The following NCKAP5 variants were observed in gnomAD, a reference collection of about 807,000 sequenced individuals.
The protein encoded by NCKAP5 is nck-associated protein 5.
A neutral mutation model predicts 167.0 loss-of-function variants in NCKAP5; 92 were observed. The ratio of observed to expected loss-of-function variants is 0.55; its 90% CI spans 0.47 to 0.66. The LOEUF (loss-of-function observed/expected upper bound fraction) is 0.66, where lower values mean the gene tolerates loss of function less well. Among genes scored for constraint, NCKAP5 ranks in the 30% least tolerant of loss-of-function variants. The probability of loss-of-function intolerance (pLI) is 0.00; values close to 1 mark genes in which losing one functional copy is unlikely to be tolerated. For missense variants in NCKAP5, 2,378 were observed against 2,315.0 expected, an observed-to-expected ratio of 1.03 and a Z score of -0.56; for synonymous variants, 891 against 877.4, an observed-to-expected ratio of 1.02 and a Z score of -0.27.
At chr2:133,359,175 GAT>G (rs1684930716) in intron 3 of NCKAP5, among the ~76,000 whole-genome samples, 1 of 152,182 alleles carries the variant, frequency 6.6e-6, no homozygotes, top group Admixed American at 6.5e-5. Context: ...GGTATTATCA[GAT>G]ATTGCGGCTC....
intron 11 of NCKAP5, among the ~76,000 whole-genome samples, chr2:132,852,773 G>T (rs929025229): frequency 6.6e-5 from 10 of 152,102 alleles, no homozygotes; most frequent in African/African-American, 7.2e-5. Flanking sequence ...CAAAGTCAAG[G>T]TTAGCTGTGA....
intron 6 of NCKAP5, among the ~76,000 whole-genome samples, chr2:133,017,477 A>T (rs909014954): frequency 2.0e-5 from 3 of 152,228 alleles, no homozygotes; most frequent in African/African-American, 7.2e-5. Context: ...TCAAAACTTC[A>T]AAATGTGAAA....
rs1026544381 is a variant in NCKAP5, at chr2:132,909,074, C to T, written c.580-30158G>A. On this transcript the variant is annotated intron_variant, in intron 8 of 19. Transcript: ENST00000409261. ...TAAAAAAGAAAATACTGGCCAGGTG[C>T]GGTGGCTCATGCCTGTAATCCCAGC... 1.1e-4 allele frequency among the ~76,000 whole-genome samples: 17 copies of T among 152,266 alleles called. No homozygotes were observed. The East Asian group carries it at 1.9e-3, about 17-fold the overall frequency.
At chr2:133,556,963 T>C (rs2104993550) in intron 2 of NCKAP5, 1 of 152,302 alleles carries the variant, frequency 6.6e-6, no homozygotes, top group East Asian at 1.9e-4. Flanking sequence ...ATTTGGACAA[T>C]GAGACAATGA....
chr2:133,286,250 C>A (rs1197133716), intron 4 of NCKAP5, among the ~76,000 whole-genome samples: 1 of 152,112 alleles, frequency 6.6e-6, no homozygotes, highest in Admixed American at 6.5e-5. Context: ...CCTGCCTCGG[C>A]CTCCCAAAGT....
At chr2:133,093,665 C>T (rs766149167) in intron 6 of NCKAP5, among the ~76,000 whole-genome samples, 2 of 152,184 alleles carry the variant, frequency 1.3e-5, no homozygotes, top group Non-Finnish European at 2.9e-5. Flanking sequence ...AATATCTCTG[C>T]AGTGGTGGCT....
intron 9 of NCKAP5, among the ~76,000 whole-genome samples, chr2:132,875,296 G>T (rs1691180166): frequency 1.3e-5 from 2 of 152,132 alleles, no homozygotes; most frequent in Non-Finnish European, 1.5e-5. Context: ...CTGGATCTGA[G>T]ACCTCACCTG....
In NCKAP5 at chr2:133,207,715, G is replaced by C. The variant is rs1359466914; in HGVS notation, c.207+6001C>G. 3.3e-5 allele frequency among the ~76,000 whole-genome samples: 5 copies of C among 152,078 alleles called. No homozygotes were observed. The East Asian group carries it at 9.6e-4, about 29-fold the overall frequency. ...AGCATGTCAAAAAGACCAAAAGCTA[G>C]GATAAATTGAGCCAAAAAATAAAGC... On this transcript the variant is annotated intron_variant, in intron 5 of 19. Coordinates refer to ENST00000409261, the MANE Select transcript of NCKAP5 (RefSeq NM_207363.3).
intron 16 of NCKAP5, among the ~76,000 whole-genome samples, chr2:132,766,669 G>A (rs539136119): frequency 6.6e-4 from 100 of 152,302 alleles, no homozygotes; most frequent in African/African-American, 2.2e-3. Context: ...CTTGGGTCTT[G>A]TTCTCTATAG....
Position 133,425,152 on chromosome 2 carries a change from C to T in NCKAP5, c.69+92306G>A, listed in dbSNP as rs932378108. ...CACAGTTAGTCACCAACCTCTGTTC[C>T]AAACATCTCCCTGGTTAGGGGATCA... is the stretch of plus-strand genomic sequence containing the variant. On this transcript the variant is annotated intron_variant, in intron 3 of 19. Coordinates refer to ENST00000409261, the MANE Select transcript of NCKAP5 (RefSeq NM_207363.3). 2.6e-5 allele frequency among the ~76,000 whole-genome samples: 4 copies of T among 152,204 alleles called. 1 individual carries two copies. The highest frequency in any genetic ancestry group is 3.8e-4 in the East Asian group (2 of 5,196).
At chr2:133,439,217 G>A (rs1690681949) in intron 3 of NCKAP5, among the ~76,000 whole-genome samples, 1 of 152,140 alleles carries the variant, frequency 6.6e-6, no homozygotes, top group African/African-American at 2.4e-5. Context: ...CCACTAAGAA[G>A]ATAATCTTTC....
intron 6 of NCKAP5, among the ~76,000 whole-genome samples, chr2:133,085,642 A>G (rs1042509242): frequency 1.3e-5 from 2 of 152,160 alleles, no homozygotes; most frequent in Non-Finnish European, 2.9e-5. Flanking sequence ...GCAGAATCAA[A>G]TATGGCCTGT....
At chr2:133,490,888 T>A (rs1245801574) in intron 3 of NCKAP5, among the ~76,000 whole-genome samples, 3 of 152,218 alleles carry the variant, frequency 2.0e-5, no homozygotes, top group African/African-American at 7.2e-5. Flanking sequence ...TTTGCCAAGT[T>A]TATAATGTAA....
At chr2:133,601,567 TA>T in the NCKAP5 span, among the ~76,000 whole-genome samples, 1 of 151,436 alleles carries the variant, frequency 6.6e-6, no homozygotes, top group Non-Finnish European at 1.5e-5. Flanking sequence ...CCATCTCTAC[TA>T]AAAAAAATAA....
chr2:133,600,779 A>G, the NCKAP5 span, among the ~76,000 whole-genome samples: 1 of 152,220 alleles, frequency 6.6e-6, no homozygotes, highest in African/African-American at 2.4e-5. Flanking sequence ...ATCCCCGCTC[A>G]GGCTCTGCTT....
At chr2:133,574,146 G>A in the NCKAP5 span, among the ~76,000 whole-genome samples, 2 of 152,046 alleles carry the variant, frequency 1.3e-5, no homozygotes. Context: ...AGAGGATGGG[G>A]ACAGCCACTG....
intron 4 of NCKAP5, among the ~76,000 whole-genome samples, chr2:133,242,923 A>G (rs1241349265): frequency 6.6e-6 from 1 of 152,122 alleles, no homozygotes; most frequent in Non-Finnish European, 1.5e-5. Flanking sequence ...TGACCATAAA[A>G]CTGGAGTTAC....
At chr2:133,502,022 C>T (rs1473967292) in intron 3 of NCKAP5, among the ~76,000 whole-genome samples, 3 of 152,184 alleles carry the variant, frequency 2.0e-5, no homozygotes, top group Non-Finnish European at 2.9e-5. Flanking sequence ...CTCCAGGCTC[C>T]GTAGATCCTT....
chr2:133,615,634 C>A, the NCKAP5 span, among the ~76,000 whole-genome samples: 2 of 152,114 alleles, frequency 1.3e-5, no homozygotes, highest in Non-Finnish European at 2.9e-5. Context: ...AATACAGGAG[C>A]ACCCAGATTC....
Sources: gnomAD v4.1 joint callset for allele counts (sites outside exome capture counted in the v4.1 genomes callset) on GRCh38, gnomAD v4.1.1 for gene constraint, MANE v1.5 for transcripts, NCBI Gene and HGNC (gene_info 2026-07-23, HGNC 2026-07-21) for gene names.